The following TENM4 variants were observed in gnomAD, a reference collection of about 807,000 sequenced individuals.
TENM4 encodes the protein teneurin-4.
In TENM4, 82 loss-of-function variants were observed where a neutral mutation model predicts 243.3. That is an observed-to-expected ratio of 0.34 (90% CI 0.28 to 0.40). TENM4 has a LOEUF of 0.40. Among genes scored for constraint, TENM4 ranks in the 10% least tolerant of loss-of-function variants. TENM4 has a pLI of 1.00. For synonymous variants in TENM4, 1,412 were observed against 1,456.3 expected (o/e 0.97, Z 0.69); for missense variants, 3,138 against 3,673.3 (o/e 0.85, Z 3.77).
At chr11:79,351,853 G>A (rs1473471923) in intron 1 of TENM4, among the ~76,000 whole-genome samples, 1 of 152,032 alleles carries the variant, frequency 6.6e-6, no homozygotes, top group Non-Finnish European at 1.5e-5. Context: ...CTAATCACTT[G>A]TGACTCAGTG....
chr11:78,893,182 A>G (rs1591106497), intron 7 of TENM4, among the ~76,000 whole-genome samples: 1 of 152,128 alleles, frequency 6.6e-6, no homozygotes, highest in Admixed American at 6.5e-5. Context: ...GCCTGGGAGG[A>G]GCTTCAGAGG....
chr11:78,982,841 T>C (rs1416543076), intron 6 of TENM4, among the ~76,000 whole-genome samples: 1 of 152,166 alleles, frequency 6.6e-6, no homozygotes, highest in Non-Finnish European at 1.5e-5. Flanking sequence ...CTTGTTATTC[T>C]CTGAGATGCT....
intron 4 of TENM4, chr11:79,096,930 A>C (rs6592824): frequency 1.6e-5 from 1 of 63,284 alleles, no homozygotes; most frequent in Admixed American, 1.4e-4. Flanking sequence ...GCGCGCGCGC[A>C]CACACACACA....
intron 19 of TENM4, among the ~76,000 whole-genome samples, chr11:78,754,154 A>G (rs1856252099): frequency 6.6e-6 from 1 of 152,212 alleles, no homozygotes; most frequent in Non-Finnish European, 1.5e-5. Context: ...GTTGACAGAC[A>G]TTTACAGGAT....
chr11:78,752,593 C>T (rs894650392), intron 19 of TENM4, among the ~76,000 whole-genome samples: 2 of 152,212 alleles, frequency 1.3e-5, no homozygotes, highest in Admixed American at 6.5e-5. Flanking sequence ...TGTGGCACAG[C>T]ACATGGGGTG....
chr11:79,008,675 T>C (rs1858555784), intron 6 of TENM4, among the ~76,000 whole-genome samples: 1 of 152,216 alleles, frequency 6.6e-6, no homozygotes, highest in Non-Finnish European at 1.5e-5. Context: ...TGGAGCTGGT[T>C]TCTGATTTTT....
intron 16 of TENM4, among the ~76,000 whole-genome samples, chr11:78,782,611 A>C (rs1856860247): frequency 6.6e-6 from 1 of 152,064 alleles, no homozygotes; most frequent in Admixed American, 6.6e-5. Context: ...AAAACAAAAA[A>C]CAAAAATTAG....
chr11:79,378,284 G>A (rs1010502843), intron 1 of TENM4, among the ~76,000 whole-genome samples: 1 of 152,178 alleles, frequency 6.6e-6, no homozygotes, highest in African/African-American at 2.4e-5. Context: ...AATGGAGTAG[G>A]GGGCCTGGGG....
chr11:79,244,428 T>C (rs1336519262), intron 2 of TENM4, among the ~76,000 whole-genome samples: 1 of 146,252 alleles, frequency 6.8e-6, no homozygotes, highest in Non-Finnish European at 1.5e-5. Flanking sequence ...GGGACAGGGC[T>C]GTATGTGTCT....
chr11:78,922,808 G>A (rs1050554570), intron 6 of TENM4, among the ~76,000 whole-genome samples: 9 of 152,168 alleles, frequency 5.9e-5, no homozygotes, highest in African/African-American at 9.7e-5. Context: ...GAGGTTAGGT[G>A]CACCCGGAGG....
At chr11:79,337,623 T>C (rs1230463115) in intron 1 of TENM4, among the ~76,000 whole-genome samples, 1 of 152,132 alleles carries the variant, frequency 6.6e-6, no homozygotes, top group Non-Finnish European at 1.5e-5. Context: ...CTGTGGACCA[T>C]AACCTATGAA....
At chr11:79,176,579 G>A (rs188704211) in intron 3 of TENM4, among the ~76,000 whole-genome samples, 2 of 152,228 alleles carry the variant, frequency 1.3e-5, no homozygotes, top group East Asian at 3.9e-4. Context: ...TTTCTCAATA[G>A]TACTTTTAAT....
chr11:79,221,753 C>A (rs922644607), intron 2 of TENM4, among the ~76,000 whole-genome samples: 1 of 152,196 alleles, frequency 6.6e-6, no homozygotes, highest in African/African-American at 2.4e-5. Flanking sequence ...ATAAAGGCAG[C>A]AGATGGTTTT....
At chr11:79,239,877 T>C (rs1864555483) in intron 2 of TENM4, among the ~76,000 whole-genome samples, 1 of 152,172 alleles carries the variant, frequency 6.6e-6, no homozygotes, top group Non-Finnish European at 1.5e-5. Flanking sequence ...ACCACGTGAC[T>C]TTGGGTAAGT....
Position 78,770,402 on chromosome 11 carries a change from C to G in TENM4, c.2539+590G>C, listed in dbSNP as rs1292818221. Reference sequence around the variant, plus strand: ...TCAAAGCCAGAACTAGAATTAGAACCCAGGTCTTCACTCTCAGCTAATGAA... The same window carrying G: ...TCAAAGCCAGAACTAGAATTAGAACGCAGGTCTTCACTCTCAGCTAATGAA... On this transcript the variant is annotated intron_variant, in intron 18 of 33. Coordinates refer to ENST00000278550, the MANE Select transcript of TENM4 (RefSeq NM_001098816.3). Among the ~76,000 whole-genome samples, 3 of 152,156 alleles carry G rather than the reference C, an allele frequency of 2.0e-5. No individual in the cohort carries two copies. The East Asian group carries it at 5.8e-4, about 29-fold the overall frequency.
chr11:78,743,428 C>T (rs930837131), intron 19 of TENM4, among the ~76,000 whole-genome samples: 6 of 152,180 alleles, frequency 3.9e-5, no homozygotes, highest in African/African-American at 1.2e-4. Flanking sequence ...CTCTGGAATT[C>T]GAATGCAGGG....
In TENM4 at chr11:78,878,266, G is replaced by GC. The variant is rs150811389; in HGVS notation, c.1084+11518dup. Among the ~76,000 whole-genome samples, 1,226 of 152,024 alleles carry GC rather than the reference G, an allele frequency of 8.1e-3. 19 individuals are homozygous for GC. The highest frequency in any genetic ancestry group is 0.027 in the African/African-American group (1,112 of 41,462). ...TTTTGCTGGACACATGCAACATCAC[G>GC]CCAGACCCGGCACAAGAAGCTGTGG... On this transcript the variant is annotated intron_variant, in intron 9 of 33. Coordinates refer to ENST00000278550, the MANE Select transcript of TENM4 (RefSeq NM_001098816.3).
At chr11:79,281,115 A>G (rs1856149716) in intron 2 of TENM4, among the ~76,000 whole-genome samples, 1 of 152,036 alleles carries the variant, frequency 6.6e-6, no homozygotes, top group Admixed American at 6.6e-5. Context: ...GATGAAGGAG[A>G]TGCACCTCAG....
intron 2 of TENM4, among the ~76,000 whole-genome samples, chr11:79,258,616 T>C (rs1377464372): frequency 6.6e-6 from 1 of 152,222 alleles, no homozygotes; most frequent in African/African-American, 2.4e-5. Flanking sequence ...ATCAGCCTCC[T>C]GCACCAGGGA....
Sources: gnomAD v4.1 joint callset for allele counts (sites outside exome capture counted in the v4.1 genomes callset) on GRCh38, gnomAD v4.1.1 for gene constraint, MANE v1.5 for transcripts, NCBI Gene and HGNC (gene_info 2026-07-23, HGNC 2026-07-21) for gene names.